The following HS6ST3 variants were observed in gnomAD, a reference collection of about 807,000 sequenced individuals.
HS6ST3 encodes the protein heparan sulfate 6-O-sulfotransferase 3.
Under a neutral mutation model 36.7 loss-of-function variants are expected in HS6ST3, and 12 were observed. The observed-to-expected ratio is 0.33, with a 90% CI of 0.21 to 0.53. The LOEUF is 0.53. Ranked by LOEUF, HS6ST3 falls within the 20% of genes least tolerant of loss-of-function variation. The pLI, the probability that HS6ST3 is intolerant of heterozygous loss-of-function variation, is 0.95. For synonymous variants in HS6ST3, 240 were observed against 257.5 expected, an observed-to-expected ratio of 0.93 and a Z score of 0.65; for missense variants, 584 against 640.9, an observed-to-expected ratio of 0.91 and a Z score of 0.96.
chr13:96,797,317 G>A (rs188529846), intron 1 of HS6ST3, among the ~76,000 whole-genome samples: 2 of 152,016 alleles, frequency 1.3e-5, no homozygotes, highest in African/African-American at 4.8e-5. Flanking sequence ...CAGTAAACGG[G>A]GTCCTGCTCA....
intron 1 of HS6ST3, among the ~76,000 whole-genome samples, chr13:96,519,412 G>A (rs185158273): frequency 1.3e-5 from 2 of 152,186 alleles, no homozygotes; most frequent in Non-Finnish European, 2.9e-5. Context: ...TGCTTTGAAT[G>A]ACCGTATCTA....
chr13:96,545,175 A>G (rs1328030641), intron 1 of HS6ST3, among the ~76,000 whole-genome samples: 1 of 152,134 alleles, frequency 6.6e-6, no homozygotes, highest in Non-Finnish European at 1.5e-5. Flanking sequence ...ACTAAAATTC[A>G]TTTATCTTTT....
chr13:96,393,108 C>G (rs979333351), intron 1 of HS6ST3, among the ~76,000 whole-genome samples: 1 of 152,192 alleles, frequency 6.6e-6, no homozygotes, highest in Non-Finnish European at 1.5e-5. Context: ...CTCTCATTCT[C>G]TCTTGCCTGC....
chr13:96,597,442 T>C (rs536875745), intron 1 of HS6ST3, among the ~76,000 whole-genome samples: 103 of 152,132 alleles, frequency 6.8e-4, no homozygotes, highest in Non-Finnish European at 1.2e-3. Context: ...CATTGAGCAT[T>C]TTTCATATTT....
intron 1 of HS6ST3, among the ~76,000 whole-genome samples, chr13:96,123,347 A>G (rs1416344373): frequency 1.3e-5 from 2 of 152,230 alleles, no homozygotes; most frequent in Non-Finnish European, 2.9e-5. Flanking sequence ...TTCAAGTGCA[A>G]TAGATTTCCT....
chr13:96,231,616 C>T (rs1379715490), intron 1 of HS6ST3, among the ~76,000 whole-genome samples: 1 of 152,096 alleles, frequency 6.6e-6, no homozygotes, highest in African/African-American at 2.4e-5. Flanking sequence ...GATCCAGTCA[C>T]TTTCCACCAG....
intron 1 of HS6ST3, among the ~76,000 whole-genome samples, chr13:96,740,915 C>CTTGAT (rs1876421566): frequency 6.6e-6 from 1 of 152,150 alleles, no homozygotes; most frequent in Admixed American, 6.5e-5. Context: ...AGAAACAATA[C>CTTGAT]TTGATTAAAC....
intron 1 of HS6ST3, among the ~76,000 whole-genome samples, chr13:96,700,118 C>G (rs1875246035): frequency 6.6e-6 from 1 of 152,146 alleles, no homozygotes; most frequent in Non-Finnish European, 1.5e-5. Context: ...TCCATTTTCA[C>G]ACTGCTGATG....
chr13:96,468,027 TG>T (rs2055822706), intron 1 of HS6ST3, among the ~76,000 whole-genome samples: 1 of 152,118 alleles, frequency 6.6e-6, no homozygotes, highest in Admixed American at 6.5e-5. Flanking sequence ...CCCCCAATCC[TG>T]GGGGGAAGTA....
chr13:96,654,725 A>G (rs1231668972), intron 1 of HS6ST3, among the ~76,000 whole-genome samples: 1 of 152,100 alleles, frequency 6.6e-6, no homozygotes, highest in East Asian at 1.9e-4. Context: ...GATGCGATGT[A>G]TGAAATATTT....
intron 1 of HS6ST3, among the ~76,000 whole-genome samples, chr13:96,568,947 T>A (rs549568786): frequency 6.6e-6 from 1 of 152,324 alleles, no homozygotes; most frequent in African/African-American, 2.4e-5. Context: ...TTTATAAGCA[T>A]GGAATTTTTT....
intron 1 of HS6ST3, among the ~76,000 whole-genome samples, chr13:96,711,209 ACACC>A (rs1875553470): frequency 6.6e-6 from 1 of 152,098 alleles, no homozygotes; most frequent in African/African-American, 2.4e-5. Flanking sequence ...TTGGTTGGCC[ACACC>A]TCAGCCTATA....
At chr13:96,331,724 C>T (rs935214330) in intron 1 of HS6ST3, among the ~76,000 whole-genome samples, 62 of 152,276 alleles carry the variant, frequency 4.1e-4, no homozygotes, top group Middle Eastern at 6.8e-3. Flanking sequence ...TGGAGCTTCC[C>T]GGCTGCTTTG....
chr13:96,227,835 A>G (rs1162715418), intron 1 of HS6ST3, among the ~76,000 whole-genome samples: 4 of 152,188 alleles, frequency 2.6e-5, no homozygotes, highest in Admixed American at 6.5e-5. Flanking sequence ...TGACACAAGG[A>G]CTGACCTTCT....
At chr13:96,241,295 C>G (rs61966863) in intron 1 of HS6ST3, among the ~76,000 whole-genome samples, 10,259 of 152,156 alleles carry the variant, frequency 0.067, 467 homozygotes, top group Middle Eastern at 0.11. Context: ...ACAACTCCTT[C>G]CATTTCTATC....
At chr13:96,576,734 G>A (rs1176114749) in intron 1 of HS6ST3, among the ~76,000 whole-genome samples, 1 of 151,900 alleles carries the variant, frequency 6.6e-6, no homozygotes, top group Non-Finnish European at 1.5e-5. Flanking sequence ...CTGAGGTCAG[G>A]AGTTGGAGAC....
At position 96,090,694 on chromosome 13, in the gene HS6ST3, C is replaced by T; in HGVS notation, c.-169C>T. 1 of 286,116 alleles carries T rather than the reference C, an allele frequency of 3.5e-6. No individual in the cohort carries two copies. The highest frequency in any genetic ancestry group is 5.8e-6 in the Non-Finnish European group (1 of 173,602). 17.7% of individuals were successfully genotyped at this position (286,116 alleles called of 1,614,324 possible). On this transcript the variant is annotated 5_prime_UTR_variant, in exon 1 of 2. Coordinates refer to ENST00000376705, the MANE Select transcript of HS6ST3 (RefSeq NM_153456.4). ...GGCTCGCAGGCCCCGGCTCCTCAAG[C>T]CCCGAGGGCCGCGGGGCCGCCAGCC...
chr13:96,303,019 G>A (rs924811629), intron 1 of HS6ST3, among the ~76,000 whole-genome samples: 14 of 152,146 alleles, frequency 9.2e-5, no homozygotes, highest in African/African-American at 3.1e-4. Flanking sequence ...TTAAGGTTGA[G>A]TGAATGCGAT....
intron 1 of HS6ST3, among the ~76,000 whole-genome samples, chr13:96,137,210 A>G (rs1326941525): frequency 2.4e-5 from 3 of 125,690 alleles, no homozygotes; most frequent in African/African-American, 9.5e-5. Flanking sequence ...GTAACCATTG[A>G]TTAATTTTGC....
Sources: allele counts gnomAD v4.1 joint callset (sites outside exome capture counted in the v4.1 genomes callset), GRCh38; gene constraint gnomAD v4.1.1; transcripts MANE v1.5; gene names NCBI Gene and HGNC (gene_info 2026-07-23, HGNC 2026-07-21).